Variants in UBR4 observed in about 807,000 individuals in gnomAD.
UBR4 encodes the protein ubiquitin protein ligase E3 component n-recognin 4.
UBR4 carries 124 observed loss-of-function variants against 575.6 expected under a neutral mutation model. The ratio of observed to expected loss-of-function variants is 0.22; its 90% CI spans 0.19 to 0.25. The LOEUF is 0.25. UBR4 is among the 10% of genes least tolerant of loss of function. The pLI is 1.00. For missense variants in UBR4, 4,818 were observed against 6,478.8 expected (o/e 0.74, Z 8.80); for synonymous variants, 2,455 against 2,473.7 (o/e 0.99, Z 0.22).
intron 49 of UBR4, among the ~76,000 whole-genome samples, chr1:19,149,388 A>G (rs953174617): frequency 1.1e-4 from 17 of 152,190 alleles, no homozygotes; most frequent in African/African-American, 4.1e-4. Flanking sequence ...AGAACTAGGG[A>G]AGAGGAAACT....
rs2092658515 is a variant in UBR4 at position 19,199,842 on chromosome 1, A to G, written c.275-88T>C. On this transcript the variant is annotated intron_variant, in intron 2 of 105. Transcript: ENST00000375254. Reference sequence around the variant, plus strand: ...AAGTAAGTATTGAGCTCTATGTCCAACATTCCCAATATCGTAACAATTATT... The same window carrying G: ...AAGTAAGTATTGAGCTCTATGTCCAGCATTCCCAATATCGTAACAATTATT... 30 of 1,213,274 alleles carry G rather than the reference A, an allele frequency of 2.5e-5. 2 individuals carry two copies. In the South Asian group the frequency reaches 3.6e-4, roughly 15 times the overall value. The allele number at this position is 1,213,274 out of a possible 1,614,324, so 75.2% of individuals were successfully genotyped here.
intron 87 of UBR4, among the ~76,000 whole-genome samples, chr1:19,102,461 T>A (rs977327779): frequency 6.6e-6 from 1 of 152,074 alleles, no homozygotes; most frequent in Non-Finnish European, 1.5e-5. Flanking sequence ...CAGCTCAGTA[T>A]GGCACGATGA....
chr1:19,121,060 G>C (rs551182989), intron 68 of UBR4, 129 bp downstream of exon 68: 153 of 1,310,158 alleles, frequency 1.2e-4, no homozygotes, highest in Admixed American at 3.3e-4. Context: ...GTAGACACTA[G>C]AGAACATTTG....
At chr1:19,199,022 C>A in intron 3 of UBR4, 94 bp from the exon 4 acceptor site, 1 of 1,459,840 alleles carries the variant, frequency 6.9e-7, no homozygotes. Flanking sequence ...GGCACAGGGC[C>A]AAATTTAGGT....
At chr1:19,186,467 C>T (rs1557960630) in intron 14 of UBR4, 73 bp downstream of exon 14, 1 of 1,350,936 alleles carries the variant, frequency 7.4e-7, no homozygotes, top group Non-Finnish European at 1.0e-6. Context: ...CAGGAAACTA[C>T]AGGAATCTGC....
In UBR4 at chr1:19,077,957, CCT is replaced by C. The variant is rs2076121913; in HGVS notation, c.15324+17_15324+18del. ...TACACTCTTGCCAAAACCCACTGGG[CCT>C]CTGACAGCCTCCTTACCTTAAACAT... On this transcript the variant is annotated intron_variant, in intron 104 of 105. Transcript: ENST00000375254. 6.2e-7 allele frequency: 1 copy of C among 1,613,654 alleles called. No individual in the cohort carries two copies. Among genetic ancestry groups the C allele is most frequent in the Admixed American group, 1.7e-5 (1 of 59,992 alleles).
chr1:19,081,457 G>A lies in UBR4; in HGVS notation c.15125C>T (p.Ala5042Val), dbSNP rs554245452. The change falls in exon 103 of 106, where the codon GCC becomes GTC. Residue 5042 changes from alanine (A) to valine (V), a missense_variant. Ala to Val is a moderately conservative substitution (Grantham distance 64). This residue lies in a region of UBR4 where 212 missense variants were observed against 221.3 expected (regional missense o/e 0.96). Transcript: ENST00000375254. ...VDGPYYFTVL[A>V]LHILPPEQWR... ...CTGCTCAGGGGGCAGGATGTGAAGG[G>A]CCAAGACTGTGAAATAGTAGGGCCC... 20 of 1,614,008 alleles carry A rather than the reference G, an allele frequency of 1.2e-5. No homozygotes were observed. The East Asian group carries it at 3.3e-4, about 27-fold the overall frequency.
chr1:19,177,394 T>C (rs1396410094), intron 19 of UBR4, 67 bp downstream of exon 19: 1 of 1,572,080 alleles, frequency 6.4e-7, no homozygotes, highest in Non-Finnish European at 8.7e-7. Flanking sequence ...CTGCGGATCA[T>C]GGTAACCATT....
In UBR4 at chr1:19,105,793, A is replaced by G; in HGVS notation, c.12443T>C (p.Ile4148Thr). The change falls in exon 84 of 106, where the codon ATT becomes ACT. Residue 4148 changes from isoleucine to threonine, a missense_variant. By Grantham distance (89) the Ile-to-Thr change is moderately conservative. Around this residue, in one of 29 missense-constraint regions of UBR4, gnomAD observed 178 missense variants for 175.5 expected, o/e 1.01. Transcript: ENST00000375254. ...GGGAATGGTGGCTAGAGCTTCCACA[A>G]TGGTACAGGCTGCCTGCCGTGCGGC... Reference protein sequence around the residue: ...TQAARQAACTIVEALATIPSR... With the variant: ...TQAARQAACTTVEALATIPSR... 6.2e-7 allele frequency: 1 copy of G among 1,611,060 alleles called. No homozygotes were observed. The highest frequency in any genetic ancestry group is 8.5e-7 in the Non-Finnish European group (1 of 1,179,180).
At position 19,129,815 on chromosome 1, in the gene UBR4, A is replaced by C. The variant is rs540641301; in HGVS notation, c.8907-741T>G. Among the ~76,000 whole-genome samples the C allele has an allele frequency of 2.9e-4, 44 of 152,362 alleles. No homozygotes were observed. The East Asian group carries it at 2.9e-3, about 10-fold the overall frequency. On this transcript the variant is annotated intron_variant, in intron 60 of 105. Transcript: ENST00000375254. ...GACAATTTGGTTGCTAGTCTCACCTAATACACAATCTCATACAGATTAAGA... is the reference window on the plus strand; with the variant it reads ...GACAATTTGGTTGCTAGTCTCACCTCATACACAATCTCATACAGATTAAGA...
At chr1:19,077,367 AC>A (rs1358092076) in intron 104 of UBR4, among the ~76,000 whole-genome samples, 1 of 152,136 alleles carries the variant, frequency 6.6e-6, no homozygotes, top group Non-Finnish European at 1.5e-5. Context: ...GCAAAGAGAG[AC>A]CCGGCGGGGA....
chr1:19,199,513 G>C (rs1487672590), intron 3 of UBR4, 138 bp downstream of exon 3: 4 of 702,882 alleles, frequency 5.7e-6, no homozygotes, highest in South Asian at 3.8e-5. Context: ...TTAACTAGCT[G>C]CAACAGATAA....
intron 16 of UBR4, 60 bp from the exon 17 acceptor site, chr1:19,183,956 T>G: frequency 6.2e-7 from 1 of 1,613,888 alleles, no homozygotes. Flanking sequence ...CACACCTCCC[T>G]GCCAACAGCC....
intron 22 of UBR4, 140 bp downstream of exon 22, chr1:19,174,179 C>T (rs1466930802): frequency 1.7e-6 from 2 of 1,163,486 alleles, no homozygotes; most frequent in Non-Finnish European, 2.3e-6. Context: ...GCTACACAAA[C>T]TACCTAGAAA....
chr1:19,095,625 C>G lies in UBR4; in HGVS notation c.13546G>C (p.Val4516Leu). The G allele has an allele frequency of 1.9e-6, 3 of 1,614,078 alleles. No individual in the cohort carries two copies. The highest frequency in any genetic ancestry group is 2.5e-6 in the Non-Finnish European group (3 of 1,179,990). Residue 4516 changes from valine to leucine, a missense_variant, in exon 93 of 106, where the codon GTG becomes CTG. Physicochemically the swap from Val to Leu is conservative, Grantham distance 32 (BLOSUM62 1). This residue lies in a region of UBR4 where 165 missense variants were observed against 282.3 expected (regional missense o/e 0.58). Transcript: ENST00000375254. ...TGCTGCCGGTTGACTTTCACCTTCA[C>G]GCAGTAACTGAACAATTTCAGTAGC... ...TVLLKLFSYCVKVKVNRQQLV... is the reference protein window; with the variant it reads ...TVLLKLFSYCLKVKVNRQQLV...
chr1:19,139,588 A>T lies in UBR4; in HGVS notation c.8594-368T>A, dbSNP rs527874835. 6.6e-6 allele frequency among the ~76,000 whole-genome samples: 1 copy of T among 152,246 alleles called. No individual in the cohort carries two copies. Among genetic ancestry groups the T allele is most frequent in the Non-Finnish European group, 1.5e-5 (1 of 68,048 alleles). On this transcript the variant is annotated intron_variant, in intron 58 of 105. Coordinates refer to ENST00000375254, the MANE Select transcript of UBR4 (RefSeq NM_020765.3). This position sits in a 1 kb window ranked among gnomAD's most constrained non-coding sequence, Gnocchi z 4.2. The stretch of plus-strand genomic sequence containing the variant: ...CTAGCTAAAATGCTTCATGGTCACC[A>T]TTGTTTAGGTGTTACTGACACCTGC...
At chr1:19,208,347 G>A (rs149558176) in intron 1 of UBR4, among the ~76,000 whole-genome samples, 2,979 of 151,508 alleles carry the variant, frequency 0.02, 39 homozygotes, top group South Asian at 0.055. Flanking sequence ...GGCACCTGTA[G>A]TCCCAGCTAC....
chr1:19,167,613 T>A (rs1000322642), intron 28 of UBR4, among the ~76,000 whole-genome samples: 2 of 151,992 alleles, frequency 1.3e-5, no homozygotes, highest in Non-Finnish European at 2.9e-5. Context: ...CAATACAATA[T>A]AAGACTTTAC....
chr1:19,134,543 A>T (rs764469234), intron 60 of UBR4, among the ~76,000 whole-genome samples: 5 of 152,234 alleles, frequency 3.3e-5, no homozygotes, highest in Non-Finnish European at 5.9e-5. Context: ...TGTAAGCAGA[A>T]CTCAGAGACA....
Sources: allele counts gnomAD v4.1 joint callset (sites outside exome capture counted in the v4.1 genomes callset), GRCh38; gene constraint gnomAD v4.1.1; regional missense constraint gnomAD v4.1.1; non-coding constraint Gnocchi (gnomAD v3.1); transcripts MANE v1.5; gene names NCBI Gene and HGNC (gene_info 2026-07-23, HGNC 2026-07-21).